TTC6: variants seen among roughly 807,000 people sequenced by gnomAD.
TTC6 encodes the protein tetratricopeptide repeat domain 6.
In TTC6, 172 loss-of-function variants were observed where a neutral mutation model predicts 210.4. The ratio of observed to expected loss-of-function variants is 0.82; its 90% CI spans 0.72 to 0.93. The LOEUF (loss-of-function observed/expected upper bound fraction) is 0.93. Ranked by LOEUF, TTC6 falls within the 40% of genes least tolerant of loss-of-function variation. The pLI, the probability that TTC6 is intolerant of heterozygous loss-of-function variation, is 0.00. For synonymous variants in TTC6, 804 were observed against 819.6 expected, an observed-to-expected ratio of 0.98 and a Z score of 0.32; for missense variants, 2,414 against 2,318.1, an observed-to-expected ratio of 1.04 and a Z score of -0.85.
rs898266461 is a variant in TTC6 at position 37,776,876 on chromosome 14, G to A, written c.3267-10592G>A. Among the ~76,000 whole-genome samples the A allele has an allele frequency of 1.6e-4, 24 of 151,940 alleles. 1 individual carries two copies. The highest frequency in any genetic ancestry group is 9.2e-4 in the Admixed American group (14 of 15,250). On this transcript the variant is annotated intron_variant, in intron 14 of 30. Transcript: ENST00000553443. ...GGCACCATTTAACTCTAGCCTGGGC[G>A]CAAGAGTGAAACTCCATCTCAAAAA...
chr14:37,655,159 A>G (rs2095719667), intron 1 of TTC6, among the ~76,000 whole-genome samples: 1 of 152,240 alleles, frequency 6.6e-6, no homozygotes, highest in African/African-American at 2.4e-5. Flanking sequence ...TTTGACACAA[A>G]GACTGGAAAA....
rs377563874 is a variant in TTC6, at chr14:37,791,975, C to T, written c.3558-289C>T. Among the ~76,000 whole-genome samples the T allele has an allele frequency of 4.6e-5, 7 of 151,948 alleles. No individual in the cohort carries two copies. The South Asian group carries it at 6.2e-4, about 14-fold the overall frequency. On this transcript the variant is annotated intron_variant, in intron 16 of 30. Coordinates refer to ENST00000553443, the Ensembl canonical transcript of TTC6. ...AAACTAAGCTTGTGACTCAAGATAA[C>T]GGAAAGGTAAATCAAAGAAGAGTAA...
intron 3 of TTC6, among the ~76,000 whole-genome samples, chr14:37,686,056 A>G (rs1289243760): frequency 6.6e-6 from 1 of 152,190 alleles, no homozygotes; most frequent in Non-Finnish European, 1.5e-5. Flanking sequence ...ACTGAATATC[A>G]TAAAAATGTT....
At chr14:37,716,636 G>A (rs182770624) in intron 6 of TTC6, among the ~76,000 whole-genome samples, 14 of 152,112 alleles carry the variant, frequency 9.2e-5, no homozygotes, top group Non-Finnish European at 1.5e-4. Context: ...AGACATGCCA[G>A]TCTTAAAAAA....
Position 37,827,402 on chromosome 14 carries a change from C to A in TTC6, c.5298+36C>A, listed in dbSNP as rs55726229. ...TTTTACTTAACGCTTTCTTTTTGAC[C>A]TGGAATGCTTTCTTTATTATATATA... On this transcript the variant is annotated intron_variant, in intron 29 of 30. Coordinates refer to ENST00000553443, the Ensembl canonical transcript of TTC6. The A allele has an allele frequency of 0.013, 20,427 of 1,597,884 alleles. 1,603 individuals are homozygous for A. In the African/African-American group the frequency reaches 0.2, roughly 16 times the overall value.
intron 1 of TTC6, among the ~76,000 whole-genome samples, chr14:37,660,614 C>T (rs1313180819): frequency 6.6e-6 from 1 of 152,152 alleles, no homozygotes; most frequent in African/African-American, 2.4e-5. Context: ...AGATTGATTC[C>T]ATGTCTTTGC....
exon 29 of TTC6, chr14:37,827,365 A>G: frequency 6.2e-7 from 1 of 1,611,710 alleles, no homozygotes; most frequent in Non-Finnish European, 8.5e-7. Flanking sequence ...CAGTTTTCCC[A>G]GGTAATGTGA....
At chr14:37,622,656 T>C in exon 1 of TTC6, 2 of 1,535,170 alleles carry the variant, frequency 1.3e-6, no homozygotes, top group South Asian at 2.4e-5. Context: ...CGCAGGGCCC[T>C]GCATGGCCAA....
intron 19 of TTC6, 55 bp from the exon 22 acceptor site, chr14:37,796,732 A>T: frequency 6.7e-7 from 1 of 1,495,406 alleles, no homozygotes; most frequent in Non-Finnish European, 9.1e-7. Context: ...GAATAATTAT[A>T]TTCAAAATCA....
intron 7 of TTC6, 132 bp from the exon 10 acceptor site, chr14:37,735,789 G>C: frequency 1.7e-6 from 1 of 577,136 alleles, no homozygotes; most frequent in Non-Finnish European, 2.9e-6. Flanking sequence ...GTGTTTTCTA[G>C]AATTATACTA....
At chr14:37,749,138 A>G (rs12586727) in exon 11 of TTC6, 266,086 of 1,535,292 alleles carry the variant, frequency 0.17, 26,578 homozygotes, top group East Asian at 0.43. Context: ...AGATGCGAGC[A>G]TACCTGTAAA....
chr14:37,718,118 T>C (rs1208787186), intron 6 of TTC6, among the ~76,000 whole-genome samples: 3 of 152,210 alleles, frequency 2.0e-5, no homozygotes, highest in African/African-American at 4.8e-5. Flanking sequence ...GTTATAGCAG[T>C]GCAAAACAGA....
At chr14:37,608,582 C>T (rs751377754) in intron 2 of TTC6, among the ~76,000 whole-genome samples, 2 of 152,154 alleles carry the variant, frequency 1.3e-5, no homozygotes, top group South Asian at 2.1e-4. Flanking sequence ...GCTGGAATTA[C>T]AGGTGTGAGC....
At chr14:37,710,603 AC>A (rs1259856795) in intron 5 of TTC6, among the ~76,000 whole-genome samples, 5 of 152,154 alleles carry the variant, frequency 3.3e-5, no homozygotes, top group Non-Finnish European at 7.4e-5. Context: ...CTCTTCACAT[AC>A]ATGATTTCTA....
intron 1 of TTC6, among the ~76,000 whole-genome samples, chr14:37,660,255 C>T (rs1168305993): frequency 7.9e-5 from 12 of 151,734 alleles, no homozygotes; most frequent in African/African-American, 1.5e-4. Context: ...TTCTGGGATA[C>T]GTGTGCAGGA....
Position 37,613,529 on chromosome 14 carries a change from T to C in TTC6, c.-155+6787T>C, listed in dbSNP as rs72674260. Among the ~76,000 whole-genome samples, 1,160 of 152,248 alleles carry C rather than the reference T, an allele frequency of 7.6e-3. 8 individuals are homozygous for C. Among genetic ancestry groups the C allele is most frequent in the South Asian group, 0.016 (77 of 4,828 alleles). On this transcript the variant is annotated intron_variant, in intron 2 of 2. Coordinates refer to the TTC6 transcript ENST00000556845. ...ATAAAATAAATTTTCCTCCCTCCTC[T>C]ATTTGCTGAAAGAAATTTATGTAAG...
intron 14 of TTC6, among the ~76,000 whole-genome samples, chr14:37,783,160 A>G (rs948291063): frequency 5.3e-5 from 8 of 152,016 alleles, no homozygotes; most frequent in African/African-American, 9.7e-5. Context: ...AGTTAGGGAG[A>G]ATTCCCTCTT....
At chr14:37,646,432 A>T (rs923341843) in intron 1 of TTC6, among the ~76,000 whole-genome samples, 1 of 152,160 alleles carries the variant, frequency 6.6e-6, no homozygotes, top group African/African-American at 2.4e-5. Flanking sequence ...CTTGGAAGAC[A>T]TATCTTTCAA....
At chr14:37,619,887 G>C (rs368132197), upstream of TTC6, among the ~76,000 whole-genome samples, 2 of 151,292 alleles carry the variant, frequency 1.3e-5, no homozygotes, top group Non-Finnish European at 2.9e-5. Flanking sequence ...GTTTTGCACT[G>C]GCATGAAACC....
Sources: gnomAD v4.1 joint callset for allele counts (sites outside exome capture counted in the v4.1 genomes callset) on GRCh38, gnomAD v4.1.1 for gene constraint, MANE v1.5 for transcripts, NCBI Gene and HGNC (gene_info 2026-07-23, HGNC 2026-07-21) for gene names.